PKIB: variants seen among roughly 807,000 people sequenced by gnomAD.
The protein encoded by PKIB is cAMP-dependent protein kinase inhibitor beta, also known as PKI-beta.
PKIB carries 2 observed loss-of-function variants against 4.5 expected under a neutral mutation model. The ratio of observed to expected loss-of-function variants is 0.44; its 90% CI spans 0.18 to 1.39. The LOEUF (loss-of-function observed/expected upper bound fraction) is 1.39, where lower values mean the gene tolerates loss of function less well. Ranked by LOEUF, PKIB falls within the 40% of genes most tolerant of loss-of-function variation. PKIB has a pLI of 0.27. For synonymous variants in PKIB, 38 were observed against 36.0 expected (o/e 1.06, Z -0.20); for missense variants, 94 against 92.6 (o/e 1.02, Z -0.06).
chr6:122,725,127 G>T lies in PKIB; in HGVS notation c.170-1G>T. ...CATATGAATGGAAATTTTTTTTTCA[G>T]ATGCAAAAGAGAAAGATGAAAAAAC... On this transcript the variant is annotated splice_acceptor_variant, in intron 4 of 4. Coordinates refer to ENST00000368452, the MANE Select transcript of PKIB (RefSeq NM_181795.3). LOFTEE classifies it high-confidence loss of function. The T allele has an allele frequency of 1.3e-6, 2 of 1,598,840 alleles. No homozygotes were observed. Among genetic ancestry groups the T allele is most frequent in the Non-Finnish European group, 1.7e-6 (2 of 1,174,278 alleles).
intron 3 of PKIB, among the ~76,000 whole-genome samples, chr6:122,601,518 C>G (rs1398906154): frequency 6.6e-6 from 1 of 152,092 alleles, no homozygotes; most frequent in Non-Finnish European, 1.5e-5. Context: ...ACTTGAACAA[C>G]ACAGATTTGA....
chr6:122,612,597 G>A (rs1774808142), intron 1 of PKIB, among the ~76,000 whole-genome samples: 1 of 152,072 alleles, frequency 6.6e-6, no homozygotes, highest in South Asian at 2.1e-4. Context: ...TGTTTTTGGG[G>A]TTCAGCTATG....
At chr6:122,529,239 G>A (rs953814041) in intron 2 of PKIB, among the ~76,000 whole-genome samples, 3 of 151,754 alleles carry the variant, frequency 2.0e-5, no homozygotes, top group Non-Finnish European at 4.4e-5. Flanking sequence ...TTTTCTTTGT[G>A]GTTTTCATTG....
intron 3 of PKIB, among the ~76,000 whole-genome samples, chr6:122,697,874 T>C (rs1778637291): frequency 6.6e-6 from 1 of 152,146 alleles, no homozygotes. Flanking sequence ...TGAGGCCTTG[T>C]ATTGTGGCCT....
At chr6:122,612,634 C>T (rs1774809298) in intron 1 of PKIB, among the ~76,000 whole-genome samples, 1 of 152,050 alleles carries the variant, frequency 6.6e-6, no homozygotes, top group African/African-American at 2.4e-5. Flanking sequence ...TATTTCATTT[C>T]TTCTTATTGC....
chr6:122,546,672 C>G (rs1772502626), intron 2 of PKIB, among the ~76,000 whole-genome samples: 1 of 152,022 alleles, frequency 6.6e-6, no homozygotes, highest in Non-Finnish European at 1.5e-5. Flanking sequence ...CTGGTATATT[C>G]AGATGAAGAA....
At chr6:122,626,080 A>G (rs1775430495) in intron 1 of PKIB, among the ~76,000 whole-genome samples, 1 of 151,570 alleles carries the variant, frequency 6.6e-6, no homozygotes, top group African/African-American at 2.4e-5. Flanking sequence ...AAATATAGAT[A>G]GATAGATAGA....
At chr6:122,494,411 G>C (rs921155745) in intron 2 of PKIB, among the ~76,000 whole-genome samples, 1 of 152,166 alleles carries the variant, frequency 6.6e-6, no homozygotes, top group Non-Finnish European at 1.5e-5. Context: ...ATGTAGGGCT[G>C]TTTTTGTTGT....
At chr6:122,712,678 G>A (rs371593196) in intron 3 of PKIB, among the ~76,000 whole-genome samples, 39 of 152,170 alleles carry the variant, frequency 2.6e-4, no homozygotes, top group Non-Finnish European at 4.4e-4. Context: ...CTAATTTAGC[G>A]GGCAAGAAGT....
intron 3 of PKIB, among the ~76,000 whole-genome samples, chr6:122,679,061 T>C (rs1582804592): frequency 6.6e-6 from 1 of 152,258 alleles, no homozygotes; most frequent in East Asian, 1.9e-4. Context: ...CAGGCAATCC[T>C]ACATACTTGG....
intron 1 of PKIB, among the ~76,000 whole-genome samples, chr6:122,619,286 A>G (rs1160725495): frequency 6.6e-6 from 1 of 152,196 alleles, no homozygotes; most frequent in Non-Finnish European, 1.5e-5. Flanking sequence ...TCCCACTTGT[A>G]AAAGTATTCA....
intron 3 of PKIB, among the ~76,000 whole-genome samples, chr6:122,598,753 G>A (rs539831924): frequency 6.6e-6 from 1 of 151,914 alleles, no homozygotes; most frequent in Non-Finnish European, 1.5e-5. Context: ...GCTCACAATG[G>A]GCCATCATTT....
At chr6:122,627,222 C>A (rs1228928710) in intron 1 of PKIB, among the ~76,000 whole-genome samples, 1 of 150,314 alleles carries the variant, frequency 6.7e-6, no homozygotes, top group Non-Finnish European at 1.5e-5. Flanking sequence ...CCAGCCTGGG[C>A]GACAGAGTTA....
intron 3 of PKIB, chr6:122,701,193 G>C: frequency 2.6e-6 from 1 of 390,314 alleles, no homozygotes; most frequent in South Asian, 3.9e-5. Flanking sequence ...GAACAACAAT[G>C]GCAACCAGGA....
At chr6:122,576,560 C>G (rs978439873) in intron 2 of PKIB, among the ~76,000 whole-genome samples, 3 of 146,640 alleles carry the variant, frequency 2.0e-5, no homozygotes, top group Non-Finnish European at 4.5e-5. Flanking sequence ...CCCAGCTAAT[C>G]GGGAGGCTGA....
chr6:122,698,439 G>A (rs1380035376), intron 3 of PKIB, among the ~76,000 whole-genome samples: 2 of 152,160 alleles, frequency 1.3e-5, no homozygotes, highest in Non-Finnish European at 2.9e-5. Flanking sequence ...CATTGCAGTA[G>A]CTGGGTACAG....
intron 2 of PKIB, among the ~76,000 whole-genome samples, chr6:122,520,090 A>C (rs1776888998): frequency 6.6e-6 from 1 of 152,268 alleles, no homozygotes; most frequent in East Asian, 1.9e-4. Flanking sequence ...AATTCCCAGA[A>C]GCATTCCCTA....
chr6:122,659,518 T>C (rs1562289433), intron 2 of PKIB, among the ~76,000 whole-genome samples: 1 of 152,160 alleles, frequency 6.6e-6, no homozygotes, highest in African/African-American at 2.4e-5. Flanking sequence ...ACAAAAGTAC[T>C]GAGTAAACTT....
chr6:122,486,962 T>C (rs1029328621), intron 2 of PKIB, among the ~76,000 whole-genome samples: 1 of 152,036 alleles, frequency 6.6e-6, no homozygotes, highest in Non-Finnish European at 1.5e-5. Context: ...ACTACTATTT[T>C]CTGAATCAAT....
Sources: gnomAD v4.1 joint callset for allele counts (sites outside exome capture counted in the v4.1 genomes callset) on GRCh38, gnomAD v4.1.1 for gene constraint, MANE v1.5 for transcripts, NCBI Gene and HGNC (gene_info 2026-07-23, HGNC 2026-07-21) for gene names.